The following CDC42BPB variants were observed in gnomAD, a reference collection of about 807,000 sequenced individuals.
The protein encoded by CDC42BPB is CDC42 binding protein kinase beta.
A neutral mutation model predicts 214.9 loss-of-function variants in CDC42BPB; 37 were observed. That is an observed-to-expected ratio of 0.17 (90% confidence interval 0.13 to 0.23). CDC42BPB has a LOEUF of 0.23. CDC42BPB is among the 10% of genes least tolerant of loss of function. The probability of loss-of-function intolerance (pLI) is 1.00; values close to 1 mark genes in which losing one functional copy is unlikely to be tolerated. For missense variants in CDC42BPB, 1,694 were observed against 2,227.0 expected (o/e 0.76, Z 4.82); for synonymous variants, 931 against 884.0 (o/e 1.05, Z -0.94).
chr14:103,007,148 C>T (rs1255244417), intron 3 of CDC42BPB, among the ~76,000 whole-genome samples: 1 of 152,044 alleles, frequency 6.6e-6, no homozygotes, highest in Non-Finnish European at 1.5e-5. Flanking sequence ...CCCAGGGGGC[C>T]GAAGCAATCA....
chr14:102,968,382 T>C (rs1662852587), intron 15 of CDC42BPB, 24 bp from the exon 16 acceptor site: 1 of 1,613,384 alleles, frequency 6.2e-7, no homozygotes, highest in African/African-American at 1.3e-5. Context: ...CGAGAAACAG[T>C]TTTAAAAGCT....
intron 1 of CDC42BPB, among the ~76,000 whole-genome samples, chr14:103,050,664 G>C (rs1888549290): frequency 6.6e-6 from 1 of 152,164 alleles, no homozygotes; most frequent in South Asian, 2.1e-4. Context: ...GGCTGAGGCT[G>C]GAGGACTGCC....
chr14:102,991,908 C>CT (rs1894510453), intron 5 of CDC42BPB, among the ~76,000 whole-genome samples: 1 of 152,232 alleles, frequency 6.6e-6, no homozygotes, highest in Admixed American at 6.5e-5. Flanking sequence ...GCCTCACTGT[C>CT]TAACATGGTA....
chr14:103,008,741 G>T (rs1054708488), intron 2 of CDC42BPB, 186 bp from the exon 3 acceptor site: 4 of 962,468 alleles, frequency 4.2e-6, no homozygotes, highest in Non-Finnish European at 4.9e-6. Context: ...CAGAGAAAGG[G>T]ACCGGCCACG....
At chr14:102,987,874 G>A (rs2139546904) in intron 5 of CDC42BPB, among the ~76,000 whole-genome samples, 1 of 151,714 alleles carries the variant, frequency 6.6e-6, no homozygotes, top group South Asian at 2.1e-4. Context: ...TTGGGAGGCT[G>A]AGGCAAGAGA....
chr14:102,976,116 T>C (rs552839207), intron 9 of CDC42BPB, 67 bp from the exon 10 acceptor site: 2 of 1,586,380 alleles, frequency 1.3e-6, no homozygotes, highest in Middle Eastern at 1.7e-4. Context: ...GCATTTTCAA[T>C]CTTCCTGAGG....
At chr14:102,947,073 G>GCA (rs1250740451) in intron 27 of CDC42BPB, among the ~76,000 whole-genome samples, 2 of 152,212 alleles carry the variant, frequency 1.3e-5, no homozygotes, top group African/African-American at 4.8e-5. Flanking sequence ...CAGCCTCTGA[G>GCA]CACGCATGCT....
At chr14:103,019,262 C>G (rs188268128) in intron 1 of CDC42BPB, among the ~76,000 whole-genome samples, 1 of 152,174 alleles carries the variant, frequency 6.6e-6, no homozygotes. Context: ...GCCCTAGAGA[C>G]ACGGCCGCCC....
chr14:103,029,601 A>G (rs1349792338), intron 1 of CDC42BPB, among the ~76,000 whole-genome samples: 1 of 150,694 alleles, frequency 6.6e-6, no homozygotes, highest in Non-Finnish European at 1.5e-5. Context: ...TCATGCCTGT[A>G]ATCCCAGCAC....
chr14:103,002,241 G>A (rs1895022178), intron 4 of CDC42BPB, among the ~76,000 whole-genome samples: 2 of 152,154 alleles, frequency 1.3e-5, no homozygotes, highest in Non-Finnish European at 2.9e-5. Flanking sequence ...TGGCAGGTGT[G>A]CACCGCAGAA....
chr14:103,006,249 G>A lies in CDC42BPB; in HGVS notation c.351+2223C>T, dbSNP rs149766528. On this transcript the variant is annotated intron_variant, in intron 3 of 36. Coordinates refer to ENST00000361246, the MANE Select transcript of CDC42BPB (RefSeq NM_006035.4). The stretch of plus-strand genomic sequence containing the variant: ...CCTGACCTCCTGTCTTCCAGAACGC[G>A]CCCCCAAAAAGAAATGGTGATGGAG... Among the ~76,000 whole-genome samples, 94 of 152,264 alleles carry A rather than the reference G, an allele frequency of 6.2e-4. 1 individual carries two copies. Among genetic ancestry groups the A allele is most frequent in the African/African-American group, 1.8e-3 (76 of 41,556 alleles).
chr14:103,036,836 A>T (rs572146109), intron 1 of CDC42BPB, among the ~76,000 whole-genome samples: 1 of 152,308 alleles, frequency 6.6e-6, no homozygotes, highest in African/African-American at 2.4e-5. Context: ...TTATTTACTG[A>T]GATAATGTCT....
chr14:102,946,281 C>T (rs1023174996), intron 28 of CDC42BPB, among the ~76,000 whole-genome samples, 187 bp downstream of exon 28: 1 of 152,170 alleles, frequency 6.6e-6, no homozygotes, highest in Non-Finnish European at 1.5e-5. Context: ...CCTTGGCCTC[C>T]CAGAGTGCTG....
chr14:102,962,829 G>A (rs1893022413), intron 20 of CDC42BPB, among the ~76,000 whole-genome samples: 1 of 152,120 alleles, frequency 6.6e-6, no homozygotes, highest in Admixed American at 6.5e-5. Context: ...TCCAGCCTGG[G>A]TGACACAGCG....
chr14:103,008,253 C>G (rs1191586362), intron 3 of CDC42BPB, among the ~76,000 whole-genome samples: 1 of 152,234 alleles, frequency 6.6e-6, no homozygotes, highest in Non-Finnish European at 1.5e-5. Context: ...AGGGTGCACT[C>G]TCAGGAACAG....
At chr14:102,955,972 A>G (rs899395005) in intron 21 of CDC42BPB, among the ~76,000 whole-genome samples, 2 of 152,250 alleles carry the variant, frequency 1.3e-5, no homozygotes, top group African/African-American at 4.8e-5. Context: ...CTGCAAATTC[A>G]CAAGGGAAAG....
Position 103,008,745 on chromosome 14 carries a change from G to A in CDC42BPB, c.268-190C>T, listed in dbSNP as rs1327689112. The A allele has an allele frequency of 7.5e-6, 7 of 928,910 alleles. No homozygotes were observed. The East Asian group carries it at 3.5e-4, about 46-fold the overall frequency. The allele number at this position is 928,910 out of a possible 1,614,324, so 57.5% of individuals were successfully genotyped here. ...CCTTTTCTTCACAGAGAAAGGGACC[G>A]GCCACGTGGGCTCCGGAGTTTCACT... On this transcript the variant is annotated intron_variant, in intron 2 of 36. Transcript: ENST00000361246.
intron 1 of CDC42BPB, among the ~76,000 whole-genome samples, chr14:103,038,893 A>C (rs566388473): frequency 4.7e-4 from 72 of 152,258 alleles, no homozygotes; most frequent in African/African-American, 1.7e-3. Context: ...GAGATTGACC[A>C]AGAAAAAAAA....
At chr14:102,983,781 G>A (rs751006846) in intron 6 of CDC42BPB, 25 bp from the exon 7 acceptor site, 3 of 1,605,662 alleles carry the variant, frequency 1.9e-6, no homozygotes, top group South Asian at 2.2e-5. Flanking sequence ...AGGTGCTGAA[G>A]GAAACCCTAG....
Sources: allele counts gnomAD v4.1 joint callset (sites outside exome capture counted in the v4.1 genomes callset), GRCh38; gene constraint gnomAD v4.1.1; transcripts MANE v1.5; gene names NCBI Gene and HGNC (gene_info 2026-07-23, HGNC 2026-07-21).